Variants in PCID2 observed in about 807,000 individuals in gnomAD.
PCID2 encodes PCI domain-containing protein 2.
In PCID2, 41 loss-of-function variants were observed where a neutral mutation model predicts 61.3. The observed-to-expected ratio is 0.67, with a 90% confidence interval of 0.52 to 0.87. The LOEUF (loss-of-function observed/expected upper bound fraction) is 0.87. Among genes scored for constraint, PCID2 ranks in the 40% least tolerant of loss-of-function variants. The pLI is 0.00. For synonymous variants in PCID2, 187 were observed against 177.8 expected, an observed-to-expected ratio of 1.05 and a Z score of -0.41; for missense variants, 392 against 493.4, an observed-to-expected ratio of 0.79 and a Z score of 1.95.
At chr13:113,201,364 C>G (rs772934893) in intron 1 of PCID2, among the ~76,000 whole-genome samples, 1 of 152,118 alleles carries the variant, frequency 6.6e-6, no homozygotes, top group African/African-American at 2.4e-5. Flanking sequence ...CATGCAGGCA[C>G]AGGAAAGAAT....
chr13:113,176,237 A>T (rs2037182907), downstream of PCID2, among the ~76,000 whole-genome samples: 1 of 152,258 alleles, frequency 6.6e-6, no homozygotes, highest in Non-Finnish European at 1.5e-5. Flanking sequence ...GTAACTTTGC[A>T]AAGATGAGCT....
chr13:113,198,602 G>A (rs544689190), intron 2 of PCID2, among the ~76,000 whole-genome samples: 2 of 152,298 alleles, frequency 1.3e-5, no homozygotes, highest in East Asian at 3.9e-4. Flanking sequence ...CTACTCAGGA[G>A]GCTGAGGCAT....
chr13:113,187,096 C>T (rs2038183838), intron 7 of PCID2: 1 of 152,222 alleles, frequency 6.6e-6, no homozygotes, highest in African/African-American at 2.4e-5. Context: ...CTCTCAAGGT[C>T]TCGTTTTCCT....
intron 1 of PCID2, chr13:113,208,053 T>A (rs770013847): frequency 6.2e-7 from 1 of 1,612,830 alleles, no homozygotes; most frequent in Non-Finnish European, 8.5e-7. Flanking sequence ...GTCAGACGCA[T>A]GTACCGAGCG....
chr13:113,194,722 T>C (rs1488755105), intron 6 of PCID2, among the ~76,000 whole-genome samples: 1 of 152,166 alleles, frequency 6.6e-6, no homozygotes, highest in Non-Finnish European at 1.5e-5. Flanking sequence ...AGCTGAATTC[T>C]TTTTGGTGGG....
At chr13:113,171,805 C>T in the PCID2 span, 1,961 of 1,613,442 alleles carry the variant, frequency 1.2e-3, 27 homozygotes, top group African/African-American at 0.023. This position sits in a 1 kb window ranked among gnomAD's most constrained non-coding sequence, Gnocchi z 5.1. Context: ...GCCTCCTCAG[C>T]GGCTGGGCAC....
the PCID2 span, chr13:113,172,006 G>A: frequency 1.4e-5 from 22 of 1,613,198 alleles, no homozygotes; most frequent in Middle Eastern, 1.7e-4. Flanking sequence ...GGTTTCTCAC[G>A]GGGGTCCTGG....
At chr13:113,202,212 G>C (rs936064245) in intron 1 of PCID2, among the ~76,000 whole-genome samples, 1 of 152,186 alleles carries the variant, frequency 6.6e-6, no homozygotes, top group African/African-American at 2.4e-5. Flanking sequence ...AGAAGAAAGG[G>C]AGGCACATGC....
chr13:113,200,621 C>A, intron 1 of PCID2, 105 bp from the exon 2 acceptor site: 1 of 721,648 alleles, frequency 1.4e-6, no homozygotes, highest in East Asian at 2.6e-5. Flanking sequence ...TCATTTTCCC[C>A]TACTTTGAAA....
downstream of PCID2, among the ~76,000 whole-genome samples, chr13:113,175,391 CG>C (rs2138622483): frequency 6.6e-6 from 1 of 152,298 alleles, no homozygotes; most frequent in Admixed American, 6.5e-5. Flanking sequence ...AGCTTTCCAC[CG>C]CTATTACATC....
chr13:113,208,156 T>C (rs2040068629), intron 1 of PCID2: 25 of 1,596,722 alleles, frequency 1.6e-5, no homozygotes, highest in Non-Finnish European at 2.0e-5. Context: ...GGCCACAGCC[T>C]CGCGCTTACT....
chr13:113,192,213 C>T (rs1362486568), intron 6 of PCID2, among the ~76,000 whole-genome samples: 1 of 152,190 alleles, frequency 6.6e-6, no homozygotes, highest in Non-Finnish European at 1.5e-5. Context: ...ATGACTGCAC[C>T]ATTGCACTTC....
At chr13:113,171,782 C>A in the PCID2 span, 2 of 1,612,910 alleles carry the variant, frequency 1.2e-6, no homozygotes, top group South Asian at 2.2e-5. This position sits in a 1 kb window ranked among gnomAD's most constrained non-coding sequence, Gnocchi z 5.1. Context: ...CCTCCTCATC[C>A]CACGCACCAG....
chr13:113,206,901 C>CA (rs2138999373), intron 1 of PCID2, among the ~76,000 whole-genome samples: 1 of 152,354 alleles, frequency 6.6e-6, no homozygotes, highest in African/African-American at 2.4e-5. Context: ...CTTCCCTTCT[C>CA]AGTCTTTCCC....
intron 3 of PCID2, among the ~76,000 whole-genome samples, chr13:113,197,747 C>T (rs1249942564): frequency 1.3e-5 from 2 of 152,202 alleles, no homozygotes; most frequent in Non-Finnish European, 1.5e-5. Context: ...CTCTGAAAGA[C>T]AGTAATCAAA....
At chr13:113,171,800 C>G in the PCID2 span, 1 of 1,613,586 alleles carries the variant, frequency 6.2e-7, no homozygotes. This position sits in a 1 kb window ranked among gnomAD's most constrained non-coding sequence, Gnocchi z 5.1. Context: ...CAGGGGCCTC[C>G]TCAGCGGCTG....
At chr13:113,171,791 A>G in the PCID2 span, 23 of 1,613,266 alleles carry the variant, frequency 1.4e-5, no homozygotes, top group Non-Finnish European at 1.9e-5. This position sits in a 1 kb window ranked among gnomAD's most constrained non-coding sequence, Gnocchi z 5.1. Flanking sequence ...CCCACGCACC[A>G]GGGGCCTCCT....
At position 113,185,459 on chromosome 13, in the gene PCID2, CAGAA is replaced by C. The variant is rs149660298; in HGVS notation, c.543+22_543+25del. On this transcript the variant is annotated intron_variant, in intron 8 of 13. Transcript: ENST00000337344. ...CCAGGACAATCGAAAATTGTAAAGACAGAAAGGATTCAAACAGAAGCACACCTTG... is the reference window on the plus strand; with the variant it reads ...CCAGGACAATCGAAAATTGTAAAGACAGGATTCAAACAGAAGCACACCTTG... 3.6e-3 allele frequency: 5,636 copies of C among 1,549,232 alleles called. 137 individuals carry two copies. The African/African-American group carries it at 0.059, about 16-fold the overall frequency.
intron 10 of PCID2, 94 bp from the exon 11 acceptor site, chr13:113,180,325 T>C (rs1235422809): frequency 5.3e-6 from 5 of 941,240 alleles, no homozygotes; most frequent in African/African-American, 3.2e-5. Context: ...TTTAAGAAAA[T>C]TGCAACCTGA....
Sources: gnomAD v4.1 joint callset for allele counts (sites outside exome capture counted in the v4.1 genomes callset) on GRCh38, gnomAD v4.1.1 for gene constraint, Gnocchi (gnomAD v3.1) non-coding constraint, MANE v1.5 for transcripts, NCBI Gene and HGNC (gene_info 2026-07-23, HGNC 2026-07-21) for gene names.